The following CHSY3 variants were observed in gnomAD, a reference collection of about 807,000 sequenced individuals.
The protein encoded by CHSY3 is chondroitin sulfate synthase 3, also known as N-acetylgalactosaminyl-proteoglycan 3-beta-glucuronosyltransferase 3.
Under a neutral mutation model 67.2 loss-of-function variants are expected in CHSY3, and 35 were observed. The ratio of observed to expected loss-of-function variants is 0.52; its 90% confidence interval spans 0.40 to 0.69. CHSY3 has a LOEUF of 0.69. CHSY3 is among the 30% of genes least tolerant of loss of function. The pLI is 0.00. For missense variants in CHSY3, 1,069 were observed against 1,138.5 expected (o/e 0.94, Z 0.88); for synonymous variants, 474 against 434.7 (o/e 1.09, Z -1.12).
chr5:130,163,811 A>C (rs1217941615), intron 2 of CHSY3, among the ~76,000 whole-genome samples: 1 of 151,802 alleles, frequency 6.6e-6, no homozygotes, highest in African/African-American at 2.4e-5. Context: ...AAAGCATTAT[A>C]GTAAACACCA....
chr5:130,143,808 G>GTATATATATA (rs1480395759), intron 2 of CHSY3, among the ~76,000 whole-genome samples: 2 of 34,070 alleles, frequency 5.9e-5, no homozygotes, highest in African/African-American at 1.1e-4. Context: ...ATATATATGT[G>GTATATATATA]TGTATATATA....
chr5:130,039,065 A>G (rs1251920228), intron 2 of CHSY3, among the ~76,000 whole-genome samples: 4 of 152,174 alleles, frequency 2.6e-5, no homozygotes, highest in Non-Finnish European at 4.4e-5. Context: ...GATTAGGGTT[A>G]TAATATTTTC....
intron 2 of CHSY3, among the ~76,000 whole-genome samples, chr5:130,062,761 G>A (rs539868278): frequency 6.6e-6 from 1 of 151,052 alleles, no homozygotes; most frequent in Non-Finnish European, 1.5e-5. Flanking sequence ...ATTTGCCAGA[G>A]TTTATGAAGT....
intron 2 of CHSY3, among the ~76,000 whole-genome samples, chr5:130,074,922 T>A (rs565266262): frequency 6.6e-6 from 1 of 152,246 alleles, no homozygotes; most frequent in East Asian, 1.9e-4. Flanking sequence ...AATTGCCACA[T>A]GACTTCAGAC....
chr5:129,923,269 G>T (rs768944573), intron 2 of CHSY3, among the ~76,000 whole-genome samples: 1 of 152,030 alleles, frequency 6.6e-6, no homozygotes, highest in Non-Finnish European at 1.5e-5. Context: ...TAGAGATAGG[G>T]TATAAGAGAA....
chr5:129,955,732 T>A (rs1762152245), intron 2 of CHSY3, among the ~76,000 whole-genome samples: 1 of 152,140 alleles, frequency 6.6e-6, no homozygotes, highest in African/African-American at 2.4e-5. Flanking sequence ...GTTGTTCCCC[T>A]CTATGTGTCC....
chr5:130,064,934 A>G (rs1010909155), intron 2 of CHSY3, among the ~76,000 whole-genome samples: 2 of 152,204 alleles, frequency 1.3e-5, no homozygotes, highest in African/African-American at 4.8e-5. Context: ...GTGAACAGTC[A>G]GGAACCCATG....
chr5:130,104,196 A>C (rs938571943), intron 2 of CHSY3, among the ~76,000 whole-genome samples: 2 of 152,020 alleles, frequency 1.3e-5, no homozygotes, highest in East Asian at 3.9e-4. Context: ...ACAAAACAAA[A>C]AAAATTGATT....
At chr5:129,945,272 T>G (rs1365637324) in intron 2 of CHSY3, among the ~76,000 whole-genome samples, 1 of 152,220 alleles carries the variant, frequency 6.6e-6, no homozygotes, top group Non-Finnish European at 1.5e-5. Flanking sequence ...ATGGCACTTG[T>G]GCCTGTTGGG....
At chr5:130,083,298 C>T (rs532598783) in intron 2 of CHSY3, among the ~76,000 whole-genome samples, 2 of 152,108 alleles carry the variant, frequency 1.3e-5, no homozygotes, top group East Asian at 1.9e-4. Flanking sequence ...CATCTTCCTA[C>T]GTAGGTATAT....
At chr5:130,166,355 T>G (rs1769746607) in intron 2 of CHSY3, among the ~76,000 whole-genome samples, 1 of 152,146 alleles carries the variant, frequency 6.6e-6, no homozygotes, top group Non-Finnish European at 1.5e-5. Flanking sequence ...GGACACTTAC[T>G]GGGTCTCATG....
At chr5:130,039,003 C>T (rs534602145) in intron 2 of CHSY3, among the ~76,000 whole-genome samples, 7 of 152,034 alleles carry the variant, frequency 4.6e-5, no homozygotes, top group East Asian at 1.9e-4. Flanking sequence ...ATTTCTATAT[C>T]GTAACAGTTC....
At chr5:129,989,175 C>T (rs1225043865) in intron 2 of CHSY3, among the ~76,000 whole-genome samples, 1 of 151,954 alleles carries the variant, frequency 6.6e-6, no homozygotes, top group Non-Finnish European at 1.5e-5. Context: ...GATCAAGAGG[C>T]TGCCATTTGC....
intron 2 of CHSY3, among the ~76,000 whole-genome samples, chr5:129,926,123 A>G (rs1761101940): frequency 1.3e-5 from 2 of 152,030 alleles, no homozygotes; most frequent in African/African-American, 4.8e-5. Context: ...TAGGATTACA[A>G]AACAAATTTG....
chr5:129,925,885 GTA>G (rs1222325677), intron 2 of CHSY3, among the ~76,000 whole-genome samples: 1 of 112,668 alleles, frequency 8.9e-6, no homozygotes, highest in African/African-American at 2.8e-5. Context: ...TAATGTGTGT[GTA>G]TATATGTGTG....
intron 2 of CHSY3, among the ~76,000 whole-genome samples, chr5:129,947,037 G>C (rs896304285): frequency 1.3e-5 from 2 of 152,132 alleles, no homozygotes; most frequent in African/African-American, 4.8e-5. Flanking sequence ...AGACATAACT[G>C]AGACTGGGTA....
intron 2 of CHSY3, among the ~76,000 whole-genome samples, chr5:129,921,778 C>T (rs1298352434): frequency 6.6e-6 from 1 of 152,082 alleles, no homozygotes; most frequent in Non-Finnish European, 1.5e-5. Context: ...CATACAATGC[C>T]TATATCAATT....
At chr5:129,997,691 T>C (rs1763585300) in intron 2 of CHSY3, among the ~76,000 whole-genome samples, 2 of 152,068 alleles carry the variant, frequency 1.3e-5, no homozygotes, top group South Asian at 4.1e-4. Context: ...CAGTGTGTGA[T>C]GTTTCCCGCC....
intron 2 of CHSY3, among the ~76,000 whole-genome samples, chr5:129,979,910 C>A (rs1762933414): frequency 2.0e-5 from 3 of 152,116 alleles, no homozygotes; most frequent in African/African-American, 7.2e-5. Flanking sequence ...TCTCCTATGT[C>A]TTTTAATGGC....
Sources: allele counts gnomAD v4.1 joint callset (sites outside exome capture counted in the v4.1 genomes callset), GRCh38; gene constraint gnomAD v4.1.1; transcripts MANE v1.5; gene names NCBI Gene and HGNC (gene_info 2026-07-23, HGNC 2026-07-21).